Variants in PRKN observed in about 807,000 individuals in gnomAD.
PRKN encodes the protein parkin RBR E3 ubiquitin protein ligase.
In PRKN, 56 loss-of-function variants were observed where a neutral mutation model predicts 59.5. The observed-to-expected ratio is 0.94, with a 90% CI of 0.76 to 1.18. PRKN has a LOEUF of 1.18. Ranked by LOEUF, PRKN falls within the 50% of genes most tolerant of loss-of-function variation. The pLI, the probability that PRKN is intolerant of heterozygous loss-of-function variation, is 0.00. For missense variants in PRKN, 657 were observed against 596.4 expected (o/e 1.10, Z -1.06); for synonymous variants, 250 against 222.1 (o/e 1.13, Z -1.12).
intron 6 of PRKN, among the ~76,000 whole-genome samples, chr6:161,843,737 C>G (rs1793083948): frequency 6.6e-6 from 1 of 152,184 alleles, no homozygotes. Context: ...TTAGAGTGAG[C>G]TGAAATTGTG....
intron 7 of PRKN, among the ~76,000 whole-genome samples, chr6:161,688,379 A>T (rs541914524): frequency 2.6e-5 from 4 of 152,204 alleles, no homozygotes; most frequent in Non-Finnish European, 2.9e-5. Context: ...CTCCCAAAAC[A>T]TGGGGAAGAG....
At chr6:162,327,732 G>A (rs1046836824) in intron 2 of PRKN, among the ~76,000 whole-genome samples, 9 of 152,154 alleles carry the variant, frequency 5.9e-5, no homozygotes, top group African/African-American at 1.2e-4. Flanking sequence ...ATCTCTGAGC[G>A]TGCATAACAT....
chr6:161,915,863 T>C (rs1409529247), intron 6 of PRKN, among the ~76,000 whole-genome samples: 1 of 152,202 alleles, frequency 6.6e-6, no homozygotes, highest in Non-Finnish European at 1.5e-5. Flanking sequence ...AGAGAAAGCA[T>C]GCACACAAGA....
At chr6:162,630,485 C>T (rs1448463521) in intron 1 of PRKN, among the ~76,000 whole-genome samples, 1 of 152,136 alleles carries the variant, frequency 6.6e-6, no homozygotes, top group East Asian at 1.9e-4. Flanking sequence ...ACGTAATATA[C>T]ATTGGATGTG....
intron 2 of PRKN, among the ~76,000 whole-genome samples, chr6:162,385,561 C>T (rs575215374): frequency 1.9e-4 from 29 of 152,208 alleles, no homozygotes; most frequent in Non-Finnish European, 3.1e-4. Context: ...AATGTGACAC[C>T]GTGGTGTTTA....
intron 1 of PRKN, among the ~76,000 whole-genome samples, chr6:162,655,394 A>T (rs902379480): frequency 3.3e-5 from 5 of 152,174 alleles, no homozygotes; most frequent in Non-Finnish European, 7.3e-5. Flanking sequence ...GCAGCCTAGT[A>T]TAACTGTGTG....
chr6:162,481,508 A>T (rs1351479271), intron 1 of PRKN, among the ~76,000 whole-genome samples: 2 of 152,194 alleles, frequency 1.3e-5, no homozygotes, highest in African/African-American at 4.8e-5. Context: ...ATTCAAGGGC[A>T]GGCAGATGCT....
Position 161,771,010 on chromosome 6 carries a change from G to A in PRKN, c.871+14762C>T, listed in dbSNP as rs566904044. Among the ~76,000 whole-genome samples, 33 of 152,158 alleles carry A rather than the reference G, an allele frequency of 2.2e-4. 1 individual carries two copies. Among genetic ancestry groups the A allele is most frequent in the African/African-American group, 4.3e-4 (18 of 41,520 alleles). ...AACTGTGGGAAAATTAATTCCTGCC[G>A]TTTAAGCCACCCGGGCTGCGGTATT... On this transcript the variant is annotated intron_variant, in intron 7 of 11. Transcript: ENST00000366898.
intron 2 of PRKN, among the ~76,000 whole-genome samples, chr6:162,311,675 G>A (rs906737287): frequency 6.6e-6 from 1 of 151,448 alleles, no homozygotes; most frequent in Non-Finnish European, 1.5e-5. Context: ...GTAGAGACAG[G>A]GTTTCACCGT....
At position 161,957,427 on chromosome 6, in the gene PRKN, TGTTTG is replaced by T. The variant is rs1562418264; in HGVS notation, c.734+15870_734+15874del. On this transcript the variant is annotated intron_variant, in intron 6 of 11. Coordinates refer to ENST00000366898, the MANE Select transcript of PRKN (RefSeq NM_004562.3). ...TCTTGTTGTTTTTTTTTTGTTTGTTTGTTTGTTTGTTTTTTTGAGCCAGAGTCTCA... is the reference window on the plus strand; with the variant it reads ...TCTTGTTGTTTTTTTTTTGTTTGTTTTTTGTTTTTTTGAGCCAGAGTCTCA... 1.8e-3 allele frequency among the ~76,000 whole-genome samples: 245 copies of T among 135,846 alleles called. 3 individuals are homozygous for T. Among genetic ancestry groups the T allele is most frequent in the South Asian group, 5.1e-3 (22 of 4,344 alleles). 89.1% of individuals were successfully genotyped at this position (135,846 alleles called of 152,430 possible). A position where few individuals can be genotyped will look rare whatever the true frequency, so the allele number is the denominator to read the frequency against.
At chr6:161,979,147 T>C (rs1781165430) in intron 5 of PRKN, among the ~76,000 whole-genome samples, 1 of 151,834 alleles carries the variant, frequency 6.6e-6, no homozygotes, top group Admixed American at 6.6e-5. Context: ...TAACAGCAAA[T>C]GGCCAGTTTT....
chr6:162,141,821 C>T (rs1319692728), intron 4 of PRKN, among the ~76,000 whole-genome samples: 1 of 152,060 alleles, frequency 6.6e-6, no homozygotes, highest in Non-Finnish European at 1.5e-5. Context: ...GCCCATTGTC[C>T]CATTTGATGG....
At chr6:161,612,718 C>CA (rs57084261) in intron 7 of PRKN, among the ~76,000 whole-genome samples, 25,172 of 58,590 alleles carry the variant, frequency 0.43, 5,127 homozygotes, top group Non-Finnish European at 0.52. Flanking sequence ...GACTCCATCT[C>CA]AAAAAAAAAA....
intron 9 of PRKN, among the ~76,000 whole-genome samples, chr6:161,543,624 T>C (rs1779695020): frequency 6.6e-6 from 1 of 152,230 alleles, no homozygotes; most frequent in Admixed American, 6.5e-5. Context: ...TGAAATTCGA[T>C]TTTCATTTAA....
At chr6:162,417,538 G>A (rs1701577171) in intron 2 of PRKN, among the ~76,000 whole-genome samples, 1 of 152,200 alleles carries the variant, frequency 6.6e-6, no homozygotes, top group Non-Finnish European at 1.5e-5. Flanking sequence ...GTCATTTTCT[G>A]ATTCAAAATA....
At chr6:162,194,298 T>TA (rs1259180334) in intron 4 of PRKN, among the ~76,000 whole-genome samples, 1 of 152,204 alleles carries the variant, frequency 6.6e-6, no homozygotes, top group Non-Finnish European at 1.5e-5. Context: ...ACAATAAAAA[T>TA]ACTTGAATAA....
intron 6 of PRKN, among the ~76,000 whole-genome samples, chr6:161,904,481 A>G (rs1050418169): frequency 3.3e-5 from 5 of 151,720 alleles, no homozygotes; most frequent in African/African-American, 4.8e-5. Flanking sequence ...ACGCCCAGCT[A>G]ATTTTTTGTA....
chr6:161,445,873 G>A lies in PRKN; in HGVS notation c.1084-58996C>T, dbSNP rs775267898. On this transcript the variant is annotated intron_variant, in intron 9 of 11. Coordinates refer to ENST00000366898, the MANE Select transcript of PRKN (RefSeq NM_004562.3). This position sits in a 1 kb window ranked among gnomAD's most constrained non-coding sequence, Gnocchi z 7.7. ...TGCAGGGTGGTGGTTTCCTTTGCCC[G>A]GAGAGTTCAGAGGCCTTAGTTCTGG... 6.6e-6 allele frequency among the ~76,000 whole-genome samples: 1 copy of A among 151,560 alleles called. No individual in the cohort carries two copies. Among genetic ancestry groups the A allele is most frequent in the Non-Finnish European group, 1.5e-5 (1 of 67,996 alleles).
intron 5 of PRKN, among the ~76,000 whole-genome samples, chr6:162,042,032 T>C (rs1350706899): frequency 6.6e-6 from 1 of 152,116 alleles, no homozygotes; most frequent in African/African-American, 2.4e-5. Context: ...TCTAGTTTTG[T>C]GATTTAGTTC....
Sources: gnomAD v4.1 joint callset for allele counts (sites outside exome capture counted in the v4.1 genomes callset) on GRCh38, gnomAD v4.1.1 for gene constraint, Gnocchi (gnomAD v3.1) non-coding constraint, MANE v1.5 for transcripts, NCBI Gene and HGNC (gene_info 2026-07-23, HGNC 2026-07-21) for gene names.